The following TTC7B variants were observed in gnomAD, a reference collection of about 807,000 sequenced individuals.
TTC7B encodes the protein tetratricopeptide repeat protein 7B.
TTC7B carries 28 observed loss-of-function variants against 106.8 expected under a neutral mutation model. The ratio of observed to expected loss-of-function variants is 0.26; its 90% CI spans 0.19 to 0.36. The LOEUF is 0.36. Among genes scored for constraint, TTC7B ranks in the 10% least tolerant of loss-of-function variants. The pLI is 1.00. For missense variants in TTC7B, 862 were observed against 1,076.4 expected, an observed-to-expected ratio of 0.80 and a Z score of 2.79; for synonymous variants, 405 against 430.6, an observed-to-expected ratio of 0.94 and a Z score of 0.74.
intron 5 of TTC7B, among the ~76,000 whole-genome samples, chr14:90,719,277 AAAAC>A (rs1176309375): frequency 7.9e-5 from 12 of 152,206 alleles, no homozygotes; most frequent in Admixed American, 3.3e-4. Flanking sequence ...CTGCCTCAAA[AAAAC>A]AAACAAAAAC....
intron 3 of TTC7B, among the ~76,000 whole-genome samples, chr14:90,779,054 C>A (rs1198556236): frequency 6.6e-6 from 1 of 152,130 alleles, no homozygotes; most frequent in Non-Finnish European, 1.5e-5. Flanking sequence ...GAGGGACGCG[C>A]CACCCAGGGC....
intron 19 of TTC7B, among the ~76,000 whole-genome samples, chr14:90,550,990 C>G (rs940629281): frequency 6.6e-6 from 1 of 152,158 alleles, no homozygotes; most frequent in African/African-American, 2.4e-5. Context: ...GATGCGAGCA[C>G]CCCCTGGGAG....
chr14:90,557,507 C>A (rs1024798562), intron 19 of TTC7B, among the ~76,000 whole-genome samples: 1 of 152,266 alleles, frequency 6.6e-6, no homozygotes, highest in Non-Finnish European at 1.5e-5. Context: ...GGAGCACCTA[C>A]TATATCCTTA....
chr14:90,605,621 C>A, intron 17 of TTC7B: 1 of 1,286,948 alleles, frequency 7.8e-7, no homozygotes. Context: ...CGGCGGGGAC[C>A]TGCGTCACTG....
At chr14:90,762,150 C>G (rs893162271) in intron 3 of TTC7B, among the ~76,000 whole-genome samples, 1 of 152,190 alleles carries the variant, frequency 6.6e-6, no homozygotes, top group Non-Finnish European at 1.5e-5. Context: ...AGAGCCAAAA[C>G]CCAGAGGAAG....
At chr14:90,565,237 T>C (rs1243409720) in intron 19 of TTC7B, among the ~76,000 whole-genome samples, 1 of 152,194 alleles carries the variant, frequency 6.6e-6, no homozygotes, top group Non-Finnish European at 1.5e-5. Context: ...ATAAGGCTGT[T>C]TCGCTTTCTT....
intron 19 of TTC7B, among the ~76,000 whole-genome samples, chr14:90,566,577 G>T (rs2139790359): frequency 6.6e-6 from 1 of 152,260 alleles, no homozygotes; most frequent in East Asian, 1.9e-4. Context: ...ACCTGGAAAG[G>T]TATTTTAAGA....
At position 90,554,261 on chromosome 14, in the gene TTC7B, G is replaced by A. The variant is rs145797599; in HGVS notation, c.2311-12672C>T. Among the ~76,000 whole-genome samples the A allele has an allele frequency of 3.0e-3, 453 of 152,320 alleles. 2 individuals carry two copies. The highest frequency in any genetic ancestry group is 9.9e-3 in the African/African-American group (412 of 41,564). The stretch of plus-strand genomic sequence containing the variant: ...CCCCACAGTCCCCCACCCACTCTGC[G>A]GCAGGTGTCCAGAGGGTGGTCGGGG... On this transcript the variant is annotated intron_variant, in intron 19 of 19. Coordinates refer to ENST00000328459, the MANE Select transcript of TTC7B (RefSeq NM_001010854.2).
At chr14:90,786,095 C>A (rs965096673) in intron 2 of TTC7B, 79 bp downstream of exon 2, 1 of 1,439,990 alleles carries the variant, frequency 6.9e-7, no homozygotes, top group African/African-American at 1.5e-5. Context: ...CCAAACGTCA[C>A]CCGGCTCAAC....
At position 90,624,506 on chromosome 14, in the gene TTC7B, A is replaced by G. The variant is rs1325881876; in HGVS notation, c.1752-6461T>C. On this transcript the variant is annotated intron_variant, in intron 15 of 19. Coordinates refer to ENST00000328459, the MANE Select transcript of TTC7B (RefSeq NM_001010854.2). The surrounding 1 kb of genome is among the most constrained non-coding windows in gnomAD (Gnocchi z 4.0). ...CAACCACTGGACATGCACCTCTAGT[A>G]CCTCACACCCTAGTTTAGTTTTAGC... Among the ~76,000 whole-genome samples the G allele has an allele frequency of 1.3e-5, 2 of 152,092 alleles. No homozygotes were observed. The highest frequency in any genetic ancestry group is 4.8e-5 in the African/African-American group (2 of 41,412).
chr14:90,666,273 T>A (rs1319676464), intron 9 of TTC7B, among the ~76,000 whole-genome samples: 2 of 152,226 alleles, frequency 1.3e-5, no homozygotes, highest in Non-Finnish European at 2.9e-5. Context: ...GTGATTCTCC[T>A]GCCTCAGCCT....
chr14:90,746,024 T>C (rs900636635), intron 3 of TTC7B, among the ~76,000 whole-genome samples: 10 of 152,182 alleles, frequency 6.6e-5, no homozygotes, highest in African/African-American at 2.2e-4. Flanking sequence ...CATTTATGTT[T>C]CTGAGGAATA....
chr14:90,556,922 G>A (rs1253430815), intron 19 of TTC7B, among the ~76,000 whole-genome samples: 1 of 152,180 alleles, frequency 6.6e-6, no homozygotes, highest in Non-Finnish European at 1.5e-5. Context: ...GAACGGGGGG[G>A]ACATGGGCAG....
intron 15 of TTC7B, among the ~76,000 whole-genome samples, chr14:90,633,707 G>A (rs955539688): frequency 1.3e-5 from 2 of 151,888 alleles, no homozygotes; most frequent in African/African-American, 4.8e-5. Flanking sequence ...GGGCCAATGA[G>A]GAAAATTACT....
rs1365861033 is a variant in TTC7B, at chr14:90,528,007, G to A, written c.*13361C>T. ...CTTGATCCAGAGTAAAGGCTCCATAGGCATTTATTGGTTGACAAGGTTGGC... is the reference window on the plus strand; with the variant it reads ...CTTGATCCAGAGTAAAGGCTCCATAAGCATTTATTGGTTGACAAGGTTGGC... On this transcript the variant is annotated 3_prime_UTR_variant, in exon 20 of 20. Coordinates refer to ENST00000328459, the MANE Select transcript of TTC7B (RefSeq NM_001010854.2). The A allele has an allele frequency of 6.6e-6, 1 of 152,072 alleles. No individual in the cohort carries two copies. Among genetic ancestry groups the A allele is most frequent in the Non-Finnish European group, 1.5e-5 (1 of 68,010 alleles). The allele number at this position is 152,072 out of a possible 1,614,324, so 9.4% of individuals were successfully genotyped here. A position where few individuals can be genotyped will look rare whatever the true frequency, so the allele number is the denominator to read the frequency against.
At chr14:90,735,770 G>A (rs1032331550) in intron 4 of TTC7B, among the ~76,000 whole-genome samples, 1 of 151,586 alleles carries the variant, frequency 6.6e-6, no homozygotes, top group Non-Finnish European at 1.5e-5. Flanking sequence ...ATAGGAAGAG[G>A]GTCATAGATG....
intron 7 of TTC7B, among the ~76,000 whole-genome samples, chr14:90,681,488 C>CAAA (rs35635095): frequency 4.3e-5 from 6 of 141,170 alleles, no homozygotes; most frequent in Admixed American, 1.4e-4. Context: ...CAATAAAAGG[C>CAAA]AAAAAAAAAA....
intron 19 of TTC7B, among the ~76,000 whole-genome samples, chr14:90,564,970 C>G (rs1338939730): frequency 1.3e-5 from 2 of 152,210 alleles, no homozygotes; most frequent in Non-Finnish European, 2.9e-5. Context: ...GCTGGATCTT[C>G]TGGATAACTT....
chr14:90,564,253 C>T (rs531075806), intron 19 of TTC7B, among the ~76,000 whole-genome samples: 24 of 152,184 alleles, frequency 1.6e-4, no homozygotes, highest in African/African-American at 5.5e-4. Context: ...CTTGGGTAAC[C>T]AAGTACATTG....
Sources: allele counts gnomAD v4.1 joint callset (sites outside exome capture counted in the v4.1 genomes callset), GRCh38; gene constraint gnomAD v4.1.1; non-coding constraint Gnocchi (gnomAD v3.1); transcripts MANE v1.5; gene names NCBI Gene and HGNC (gene_info 2026-07-23, HGNC 2026-07-21).